The following RAP1A variants were observed in gnomAD, a reference collection of about 807,000 sequenced individuals.
RAP1A encodes the protein ras-related protein Rap-1A.
A neutral mutation model predicts 26.4 loss-of-function variants in RAP1A; 6 were observed. The ratio of observed to expected loss-of-function variants is 0.23; its 90% CI spans 0.12 to 0.45. RAP1A has a LOEUF of 0.45. RAP1A is among the 20% of genes least tolerant of loss of function. RAP1A has a pLI of 0.99. For synonymous variants in RAP1A, 73 were observed against 79.4 expected (o/e 0.92, Z 0.43); for missense variants, 121 against 217.2 (o/e 0.56, Z 2.78).
At chr1:111,684,733 C>CT (rs199931637) in intron 1 of RAP1A, among the ~76,000 whole-genome samples, 2 of 150,832 alleles carry the variant, frequency 1.3e-5, no homozygotes, top group African/African-American at 4.9e-5. Context: ...ATTCAGTGCT[C>CT]CCCATAAAGC....
chr1:111,709,202 G>T lies in RAP1A; in HGVS notation c.522G>T (p.Lys174Asn). ...QINRKTPVEK[K>N]KPKKKSCLLL The stretch of plus-strand genomic sequence containing the variant: ...ATAGGAAAACACCAGTGGAAAAGAA[G>T]AAGCCTAAAAAGAAATCATGTCTGC... Residue 174 changes from lysine to asparagine, a missense_variant, in exon 7 of 8, where the codon AAG (lysine) becomes AAT (asparagine). Physicochemically the swap from Lys to Asn is moderately conservative, Grantham distance 94. Coordinates refer to ENST00000369709, the MANE Select transcript of RAP1A (RefSeq NM_002884.4). 2 of 1,613,716 alleles carry T rather than the reference G, an allele frequency of 1.2e-6. No individual in the cohort carries two copies. The highest frequency in any genetic ancestry group is 4.5e-5 in the East Asian group (2 of 44,834).
chr1:111,570,928 G>GT (rs1658036709), intron 1 of RAP1A, among the ~76,000 whole-genome samples: 1 of 152,206 alleles, frequency 6.6e-6, no homozygotes, highest in Admixed American at 6.5e-5. Flanking sequence ...TTCAACATGA[G>GT]TTTTGGTGAA....
chr1:111,584,347 A>G (rs980112871), intron 1 of RAP1A, among the ~76,000 whole-genome samples: 2 of 152,170 alleles, frequency 1.3e-5, no homozygotes, highest in African/African-American at 4.8e-5. Context: ...TATAAACAAC[A>G]GAAACTTACT....
chr1:111,568,597 T>C (rs1657975399), intron 1 of RAP1A, among the ~76,000 whole-genome samples: 1 of 152,220 alleles, frequency 6.6e-6, no homozygotes, highest in Non-Finnish European at 1.5e-5. Flanking sequence ...AGCTAGCTAA[T>C]GATTCTTTGC....
chr1:111,588,064 G>A (rs10494139), intron 1 of RAP1A, among the ~76,000 whole-genome samples: 45,973 of 151,894 alleles, frequency 0.3, 7,236 homozygotes, highest in East Asian at 0.39. Flanking sequence ...TTCTCTCTGC[G>A]TTGATGATAA....
At chr1:111,692,625 A>G (rs536886873) in intron 2 of RAP1A, among the ~76,000 whole-genome samples, 85 of 152,194 alleles carry the variant, frequency 5.6e-4, no homozygotes, top group Non-Finnish European at 8.7e-4. Context: ...TTAAGGGGCT[A>G]GTTAAGTAAA....
Position 111,655,277 on chromosome 1 carries a change from AC to A in RAP1A, c.-28+35344del, listed in dbSNP as rs1170500334. The stretch of plus-strand genomic sequence containing the variant: ...ACAATGCAATAAAACAAAAAAAAAA[AC>A]AACAGAAATTAACTTGAGCGTGATA... On this transcript the variant is annotated intron_variant, in intron 1 of 7. Transcript: ENST00000369709. Among the ~76,000 whole-genome samples the A allele has an allele frequency of 2.3e-4, 34 of 146,618 alleles. No individual in the cohort carries two copies. The East Asian group carries it at 5.5e-3, about 24-fold the overall frequency.
chr1:111,571,829 A>G (rs1370230200), intron 1 of RAP1A, among the ~76,000 whole-genome samples: 1 of 152,234 alleles, frequency 6.6e-6, no homozygotes, highest in Non-Finnish European at 1.5e-5. Context: ...TGGTGAGAGG[A>G]TAGATAAAAT....
At chr1:111,688,289 G>GTA in intron 1 of RAP1A, among the ~76,000 whole-genome samples, 1 of 115,866 alleles carries the variant, frequency 8.6e-6, no homozygotes, top group Admixed American at 8.8e-5. Context: ...GTGTGTGTGT[G>GTA]TGTGTGTGTG....
intron 1 of RAP1A, chr1:111,604,754 A>T (rs1402680500): frequency 6.6e-6 from 1 of 152,234 alleles, no homozygotes; most frequent in Non-Finnish European, 1.5e-5. Context: ...CATCCTCAAA[A>T]TAATTGCATG....
At chr1:111,573,256 A>G (rs754738369) in intron 1 of RAP1A, among the ~76,000 whole-genome samples, 3 of 152,182 alleles carry the variant, frequency 2.0e-5, no homozygotes, top group African/African-American at 4.8e-5. Context: ...TCCTTTGGGT[A>G]TATACTGAGT....
chr1:111,689,664 C>G (rs78827220), intron 1 of RAP1A, among the ~76,000 whole-genome samples: 9,307 of 152,118 alleles, frequency 0.061, 304 homozygotes, highest in South Asian at 0.087. Context: ...TTATTTCACT[C>G]TGGTTTCAGG....
At chr1:111,583,936 A>G (rs1049317568) in intron 1 of RAP1A, among the ~76,000 whole-genome samples, 2 of 133,176 alleles carry the variant, frequency 1.5e-5, no homozygotes, top group Admixed American at 8.8e-5. Context: ...GCTGGAGTGC[A>G]GTGGCGCGAT....
intron 1 of RAP1A, among the ~76,000 whole-genome samples, chr1:111,624,084 C>T (rs1168347797): frequency 2.6e-5 from 4 of 152,060 alleles, no homozygotes; most frequent in Admixed American, 6.5e-5. Context: ...TAAGTTTACT[C>T]GTTTATAATG....
At chr1:111,662,878 G>T (rs920149588) in intron 1 of RAP1A, among the ~76,000 whole-genome samples, 1 of 152,078 alleles carries the variant, frequency 6.6e-6, no homozygotes, top group Admixed American at 6.6e-5. Flanking sequence ...CCTGATTTTG[G>T]ACCCAGATAT....
Position 111,661,339 on chromosome 1 carries a change from G to A in RAP1A, c.-27-29995G>A, listed in dbSNP as rs1439805219. On this transcript the variant is annotated intron_variant, in intron 1 of 7. Transcript: ENST00000369709. ...ATATTGGAGGGGGAAAAGATTGGATGTAGGGAGATCAGATGAGAGGCTATT... is the reference window on the plus strand; with the variant it reads ...ATATTGGAGGGGGAAAAGATTGGATATAGGGAGATCAGATGAGAGGCTATT... Among the ~76,000 whole-genome samples, 4 of 152,202 alleles carry A rather than the reference G, an allele frequency of 2.6e-5. No individual in the cohort carries two copies. The East Asian group carries it at 5.8e-4, about 22-fold the overall frequency.
chr1:111,617,022 G>A (rs1325248466), upstream of RAP1A, among the ~76,000 whole-genome samples: 1 of 152,156 alleles, frequency 6.6e-6, no homozygotes. Flanking sequence ...GTGTGTGTGT[G>A]GGTATGCATG....
At chr1:111,612,985 G>A (rs77824751) in intron 1 of RAP1A, among the ~76,000 whole-genome samples, 2,688 of 152,152 alleles carry the variant, frequency 0.018, 77 homozygotes, top group African/African-American at 0.061. Context: ...AGAACACTGA[G>A]GCTACAAGAG....
At chr1:111,561,882 G>C (rs370704256) in intron 1 of RAP1A, among the ~76,000 whole-genome samples, 1 of 151,876 alleles carries the variant, frequency 6.6e-6, no homozygotes, top group Non-Finnish European at 1.5e-5. Flanking sequence ...TTTTTGGCCC[G>C]GACTTTTTCA....
Sources: gnomAD v4.1 joint callset for allele counts (sites outside exome capture counted in the v4.1 genomes callset) on GRCh38, gnomAD v4.1.1 for gene constraint, MANE v1.5 for transcripts, NCBI Gene and HGNC (gene_info 2026-07-23, HGNC 2026-07-21) for gene names.